SNTG1: variants seen among roughly 807,000 people sequenced by gnomAD.
SNTG1 encodes syntrophin gamma 1, also known as gamma-1-syntrophin.
In SNTG1, 39 loss-of-function variants were observed where a neutral mutation model predicts 74.7. The observed-to-expected ratio is 0.52, with a 90% CI of 0.40 to 0.68. The LOEUF (loss-of-function observed/expected upper bound fraction) is 0.68, where lower values mean the gene tolerates loss of function less well. SNTG1 is among the 30% of genes least tolerant of loss of function. The probability of loss-of-function intolerance (pLI) is 0.00; values close to 1 mark genes in which losing one functional copy is unlikely to be tolerated. For synonymous variants in SNTG1, 254 were observed against 217.1 expected, an observed-to-expected ratio of 1.17 and a Z score of -1.49; for missense variants, 685 against 609.5, an observed-to-expected ratio of 1.12 and a Z score of -1.30.
At chr8:50,526,923 G>A (rs989954165) in intron 9 of SNTG1, among the ~76,000 whole-genome samples, 1 of 151,996 alleles carries the variant, frequency 6.6e-6, no homozygotes, top group African/African-American at 2.4e-5. Flanking sequence ...CGCCCGGCCC[G>A]AAGTCAGCAT....
chr8:50,579,059 C>T (rs541392109), intron 12 of SNTG1, among the ~76,000 whole-genome samples: 125 of 152,264 alleles, frequency 8.2e-4, no homozygotes, highest in Non-Finnish European at 1.5e-3. Context: ...GCTCAGAAGA[C>T]AGAAAGTTGT....
At chr8:50,391,166 C>T (rs2092653571) in intron 2 of SNTG1, among the ~76,000 whole-genome samples, 1 of 152,144 alleles carries the variant, frequency 6.6e-6, no homozygotes, top group Non-Finnish European at 1.5e-5. Flanking sequence ...AAAGGGAATG[C>T]TTCCAGTTTT....
intron 15 of SNTG1, among the ~76,000 whole-genome samples, chr8:50,672,868 G>C (rs2095291410): frequency 6.6e-6 from 1 of 152,076 alleles, no homozygotes; most frequent in Admixed American, 6.6e-5. Flanking sequence ...TTTGTTTAAG[G>C]TGTAAGGAAG....
intron 2 of SNTG1, among the ~76,000 whole-genome samples, chr8:50,392,057 A>C (rs2092669688): frequency 6.6e-6 from 1 of 152,186 alleles, no homozygotes; most frequent in Non-Finnish European, 1.5e-5. Flanking sequence ...GCAATCCTAG[A>C]ACTGAAAACA....
Position 49,970,428 on chromosome 8 carries a change from C to A in SNTG1, c.-103+58197C>A, listed in dbSNP as rs149039142. On this transcript the variant is annotated intron_variant, in intron 1 of 18. Coordinates refer to ENST00000642720, the MANE Select transcript of SNTG1 (RefSeq NM_018967.5). Reference sequence around the variant, plus strand: ...TCTTTTTAATTCATTCAACATCTAGCATTTAGTGACCCTGTCTGATGTGAA... The same window carrying A: ...TCTTTTTAATTCATTCAACATCTAGAATTTAGTGACCCTGTCTGATGTGAA... Among the ~76,000 whole-genome samples, 323 of 152,296 alleles carry A rather than the reference C, an allele frequency of 2.1e-3. 5 individuals are homozygous for A. The highest frequency in any genetic ancestry group is 7.2e-3 in the African/African-American group (299 of 41,556).
chr8:50,647,524 T>C (rs925124243), intron 13 of SNTG1, among the ~76,000 whole-genome samples: 1 of 151,966 alleles, frequency 6.6e-6, no homozygotes, highest in East Asian at 1.9e-4. Context: ...GGTATTTTGC[T>C]AGTGGGGCAG....
intron 3 of SNTG1, among the ~76,000 whole-genome samples, chr8:50,398,284 A>T (rs1255063296): frequency 6.6e-6 from 1 of 152,222 alleles, no homozygotes; most frequent in East Asian, 1.9e-4. Context: ...CTTACCGTCC[A>T]CCATCTGCCC....
At chr8:50,764,269 A>C (rs1208940164) in intron 18 of SNTG1, among the ~76,000 whole-genome samples, 1 of 151,908 alleles carries the variant, frequency 6.6e-6, no homozygotes, top group Non-Finnish European at 1.5e-5. Context: ...AAAATAAACA[A>C]ACAGGATTAT....
At chr8:50,541,272 T>TGC (rs2094344867) in intron 11 of SNTG1, among the ~76,000 whole-genome samples, 1 of 151,898 alleles carries the variant, frequency 6.6e-6, no homozygotes. Flanking sequence ...TGTGTGTGTG[T>TGC]GTGTGCATGT....
chr8:50,664,419 C>A (rs541400515), intron 15 of SNTG1, among the ~76,000 whole-genome samples: 1 of 152,190 alleles, frequency 6.6e-6, no homozygotes, highest in East Asian at 1.9e-4. Context: ...TGGCAAATGC[C>A]ACAAACATTG....
rs143598450 is a variant in SNTG1, at chr8:50,623,659, C to T, written c.849+32742C>T. Among the ~76,000 whole-genome samples, 578 of 151,876 alleles carry T rather than the reference C, an allele frequency of 3.8e-3. 5 individuals are homozygous for T. The highest frequency in any genetic ancestry group is 0.013 in the African/African-American group (542 of 41,434). ...ATATATCATGACTTTTTGAAAATTT[C>T]TTTCTCTATATCATGAAGTATTTGA... On this transcript the variant is annotated intron_variant, in intron 13 of 18. Coordinates refer to ENST00000642720, the MANE Select transcript of SNTG1 (RefSeq NM_018967.5).
At chr8:50,621,030 T>C (rs1440689236) in intron 13 of SNTG1, among the ~76,000 whole-genome samples, 1 of 151,314 alleles carries the variant, frequency 6.6e-6, no homozygotes. Flanking sequence ...GAAACACATA[T>C]AGTTATGCAG....
At chr8:49,910,312 C>A (rs1805517218), upstream of SNTG1, among the ~76,000 whole-genome samples, 1 of 151,860 alleles carries the variant, frequency 6.6e-6, no homozygotes, top group Admixed American at 6.5e-5. Flanking sequence ...CCCCACCACA[C>A]ACACCAGCGC....
intron 2 of SNTG1, chr8:50,381,211 G>A (rs1295585287): frequency 6.6e-6 from 1 of 151,852 alleles, no homozygotes; most frequent in Non-Finnish European, 1.5e-5. Flanking sequence ...TATTTTCATA[G>A]GGGCTTTTTT....
intron 2 of SNTG1, among the ~76,000 whole-genome samples, chr8:50,386,820 A>G (rs2092582350): frequency 6.6e-6 from 1 of 152,100 alleles, no homozygotes; most frequent in Admixed American, 6.6e-5. Flanking sequence ...TGCCTCCATA[A>G]CACAAACACT....
At chr8:50,085,943 G>T (rs548664548) in intron 1 of SNTG1, among the ~76,000 whole-genome samples, 1 of 152,134 alleles carries the variant, frequency 6.6e-6, no homozygotes, top group South Asian at 2.1e-4. Context: ...ATTTTCTGCC[G>T]GCCTGAGGAC....
intron 4 of SNTG1, among the ~76,000 whole-genome samples, chr8:50,419,236 C>A (rs967860067): frequency 3.3e-5 from 5 of 152,182 alleles, no homozygotes; most frequent in Non-Finnish European, 7.4e-5. Context: ...AAAATAAATT[C>A]TTCCAAAATA....
At chr8:50,737,836 A>G (rs2095532798) in intron 17 of SNTG1, among the ~76,000 whole-genome samples, 1 of 152,150 alleles carries the variant, frequency 6.6e-6, no homozygotes, top group Non-Finnish European at 1.5e-5. Flanking sequence ...AGATGCAGAA[A>G]AGGCCTTCAA....
rs137911133 is a variant in SNTG1, at chr8:50,484,494, C to T, written c.364-18284C>T. ...CCTCCCAAAGCGCTGTGATTACAGG[C>T]GTGAGCCTCCATGCCCAACCTGGAT... On this transcript the variant is annotated intron_variant, in intron 8 of 18. Coordinates refer to ENST00000642720, the MANE Select transcript of SNTG1 (RefSeq NM_018967.5). Among the ~76,000 whole-genome samples the T allele has an allele frequency of 1.8e-3, 280 of 151,644 alleles. 4 individuals are homozygous for T. Among genetic ancestry groups the T allele is most frequent in the African/African-American group, 6.3e-3 (260 of 41,434 alleles).
Sources: allele counts gnomAD v4.1 joint callset (sites outside exome capture counted in the v4.1 genomes callset), GRCh38; gene constraint gnomAD v4.1.1; transcripts MANE v1.5; gene names NCBI Gene and HGNC (gene_info 2026-07-23, HGNC 2026-07-21).